GLIS3: variants seen among roughly 807,000 people sequenced by gnomAD.
The protein encoded by GLIS3 is zinc finger protein GLIS3.
In GLIS3, 53 loss-of-function variants were observed where a neutral mutation model predicts 78.6. That is an observed-to-expected ratio of 0.67 (90% CI 0.54 to 0.85). GLIS3 has a LOEUF of 0.85. GLIS3 is among the 40% of genes least tolerant of loss of function. The pLI is 0.00. For synonymous variants in GLIS3, 684 were observed against 509.9 expected (o/e 1.34, Z -4.60); for missense variants, 1,703 against 1,231.1 (o/e 1.38, Z -5.74).
At chr9:4,125,431 G>C (rs1162784427) in intron 3 of GLIS3, among the ~76,000 whole-genome samples, 1 of 152,110 alleles carries the variant, frequency 6.6e-6, no homozygotes, top group Non-Finnish European at 1.5e-5. Context: ...TGCTTCACCA[G>C]AAATTGACAA....
At chr9:4,386,608 G>A in the GLIS3 span, 1 of 152,198 alleles carries the variant, frequency 6.6e-6, no homozygotes, top group African/African-American at 2.4e-5. Flanking sequence ...TGTGGGAGCA[G>A]GCCTGAGCTT....
the GLIS3 span, among the ~76,000 whole-genome samples, chr9:4,403,843 G>C: frequency 1.3e-4 from 20 of 152,084 alleles, no homozygotes; most frequent in African/African-American, 4.8e-4. Flanking sequence ...AGAAAACAAA[G>C]AATACAATGG....
At chr9:4,366,265 A>ACC in the GLIS3 span, among the ~76,000 whole-genome samples, 1 of 152,206 alleles carries the variant, frequency 6.6e-6, no homozygotes, top group African/African-American at 2.4e-5. Context: ...TTGATCATAT[A>ACC]CCCAGCCAGA....
upstream of GLIS3, among the ~76,000 whole-genome samples, chr9:4,303,753 G>A (rs566899233): frequency 4.6e-5 from 7 of 152,258 alleles, no homozygotes; most frequent in South Asian, 1.5e-3. Context: ...AAACCAAGCT[G>A]AGATGTATCT....
intron 7 of GLIS3, among the ~76,000 whole-genome samples, chr9:3,883,320 C>A (rs1270990262): frequency 6.6e-6 from 1 of 152,184 alleles, no homozygotes; most frequent in African/African-American, 2.4e-5. Flanking sequence ...TTTTCCAGCA[C>A]CTACTCTGCA....
intron 7 of GLIS3, among the ~76,000 whole-genome samples, chr9:3,884,260 G>A (rs1821924146): frequency 2.0e-5 from 3 of 152,118 alleles, no homozygotes; most frequent in Admixed American, 6.5e-5. Flanking sequence ...GGGAGGCCAA[G>A]AGTGTTAGTA....
At chr9:4,428,351 C>T in the GLIS3 span, among the ~76,000 whole-genome samples, 1 of 151,738 alleles carries the variant, frequency 6.6e-6, no homozygotes, top group Non-Finnish European at 1.5e-5. Flanking sequence ...TGGTGGCATG[C>T]ACCTGTAGTC....
chr9:4,087,015 A>C (rs1418452970), intron 4 of GLIS3, among the ~76,000 whole-genome samples: 1 of 152,208 alleles, frequency 6.6e-6, no homozygotes, highest in Admixed American at 6.5e-5. Flanking sequence ...CTATGTGTAC[A>C]TGTGGCAGTC....
chr9:4,056,959 A>C (rs1176471042), intron 4 of GLIS3, among the ~76,000 whole-genome samples: 1 of 149,056 alleles, frequency 6.7e-6, no homozygotes, highest in Non-Finnish European at 1.5e-5. Flanking sequence ...AATCATCTAA[A>C]TTTATGATGA....
At chr9:4,044,062 G>C (rs752064525) in intron 4 of GLIS3, among the ~76,000 whole-genome samples, 1 of 152,162 alleles carries the variant, frequency 6.6e-6, no homozygotes, top group Admixed American at 6.5e-5. Flanking sequence ...AATAGGGTCC[G>C]GCACAGAAGA....
At chr9:4,452,170 T>C in the GLIS3 span, among the ~76,000 whole-genome samples, 4 of 152,158 alleles carry the variant, frequency 2.6e-5, no homozygotes, top group Non-Finnish European at 5.9e-5. Flanking sequence ...ATGGAACGTA[T>C]CTCAAAATAA....
chr9:4,456,669 T>G, the GLIS3 span, among the ~76,000 whole-genome samples: 1 of 152,210 alleles, frequency 6.6e-6, no homozygotes, highest in African/African-American at 2.4e-5. Context: ...GCTTTTAATT[T>G]AAAGCAACTC....
the GLIS3 span, among the ~76,000 whole-genome samples, chr9:4,397,024 C>CT: frequency 0.025 from 3,053 of 121,182 alleles, 61 homozygotes; most frequent in South Asian, 0.046. Context: ...TTCTTTTTTT[C>CT]TTTTTTTTTT....
intron 2 of GLIS3, among the ~76,000 whole-genome samples, chr9:4,323,598 G>A (rs1220381646): frequency 1.3e-5 from 2 of 152,040 alleles, no homozygotes; most frequent in Non-Finnish European, 2.9e-5. Context: ...ATTTCCTCAG[G>A]AGATATTTTC....
At chr9:4,460,067 A>G in the GLIS3 span, among the ~76,000 whole-genome samples, 1 of 151,986 alleles carries the variant, frequency 6.6e-6, no homozygotes, top group Non-Finnish European at 1.5e-5. Flanking sequence ...CTAGAGACAG[A>G]TCTTGATTAA....
chr9:3,939,312 G>A (rs577197979), intron 4 of GLIS3, among the ~76,000 whole-genome samples: 1 of 152,320 alleles, frequency 6.6e-6, no homozygotes, highest in Admixed American at 6.5e-5. Flanking sequence ...CTACCATAGA[G>A]GGATTAGAAG....
chr9:4,205,175 C>CA (rs200420029), intron 2 of GLIS3, among the ~76,000 whole-genome samples: 44,542 of 123,996 alleles, frequency 0.36, 8,206 homozygotes, highest in South Asian at 0.51. Flanking sequence ...GAGACTCTGT[C>CA]AAAAAAAAAA....
chr9:3,855,019 A>G (rs1057018235), intron 9 of GLIS3, among the ~76,000 whole-genome samples: 1 of 152,230 alleles, frequency 6.6e-6, no homozygotes, highest in Admixed American at 6.5e-5. Context: ...AGAGGCAGGT[A>G]GAGGACAGTA....
chr9:4,079,237 A>T (rs1055389466), intron 4 of GLIS3, among the ~76,000 whole-genome samples: 2 of 152,350 alleles, frequency 1.3e-5, no homozygotes, highest in Admixed American at 1.3e-4. Context: ...ACTCAACAAT[A>T]GTCAACATGG....
Sources: gnomAD v4.1 joint callset for allele counts (sites outside exome capture counted in the v4.1 genomes callset) on GRCh38, gnomAD v4.1.1 for gene constraint, MANE v1.5 for transcripts, NCBI Gene and HGNC (gene_info 2026-07-23, HGNC 2026-07-21) for gene names.